The following RBX1 variants were observed in gnomAD, a reference collection of about 807,000 sequenced individuals.
The protein encoded by RBX1 is E3 ubiquitin-protein ligase RBX1.
For synonymous variants in RBX1, 48 were observed against 47.9 expected, an observed-to-expected ratio of 1.00 and a Z score of -0.01; for missense variants, 46 against 141.4, an observed-to-expected ratio of 0.33 and a Z score of 3.42.
chr22:40,968,615 A>G (rs985078167), intron 4 of RBX1, among the ~76,000 whole-genome samples: 3 of 152,186 alleles, frequency 2.0e-5, no homozygotes, highest in African/African-American at 7.2e-5. Context: ...TGTTATATAA[A>G]TAAAACATGA....
rs370116320 is a variant in RBX1, at chr22:40,970,747, C to A, written c.315-1729C>A. Among the ~76,000 whole-genome samples the A allele has an allele frequency of 1.2e-3, 177 of 151,548 alleles. 5 individuals carry two copies. The South Asian group carries it at 0.034, about 29-fold the overall frequency. On this transcript the variant is annotated intron_variant, in intron 4 of 4. Transcript: ENST00000216225. ...TAGGCTATTCTTGGGTTTAAAAAAACCAAAAAATAGGATTCTTTTGTTTGT... is the reference window on the plus strand; with the variant it reads ...TAGGCTATTCTTGGGTTTAAAAAAAACAAAAAATAGGATTCTTTTGTTTGT...
chr22:40,961,081 CT>C (rs61092253), intron 2 of RBX1, among the ~76,000 whole-genome samples: 5,089 of 107,648 alleles, frequency 0.047, 71 homozygotes, highest in East Asian at 0.16. Context: ...CGTGCCTGGC[CT>C]TTTTTTTTTT....
intron 4 of RBX1, among the ~76,000 whole-genome samples, chr22:40,972,106 A>G (rs1170395977): frequency 3.9e-5 from 6 of 152,190 alleles, no homozygotes. Flanking sequence ...GGGCAGCCCG[A>G]AAGTTCAAAC....
chr22:40,969,312 AAGTC>A (rs1259899836), intron 4 of RBX1, among the ~76,000 whole-genome samples: 1 of 152,232 alleles, frequency 6.6e-6, no homozygotes, highest in East Asian at 1.9e-4. Context: ...TCAAAAAACA[AAGTC>A]AGTCCCTATT....
Position 40,962,492 on chromosome 22 carries a change from T to G in RBX1, c.158-1555T>G, listed in dbSNP as rs577498492. ...TCTAGTTTTGTTTTTTTTAATAGTT[T>G]TACTTTTTTTTTTTTTTTTTTGAGA... On this transcript the variant is annotated intron_variant, in intron 2 of 4. Coordinates refer to ENST00000216225, the MANE Select transcript of RBX1 (RefSeq NM_014248.4). Among the ~76,000 whole-genome samples the G allele has an allele frequency of 4.6e-5, 7 of 150,668 alleles. No individual in the cohort carries two copies. The East Asian group carries it at 1.4e-3, about 29-fold the overall frequency.
At chr22:40,953,706 TTTC>T in intron 2 of RBX1, 73 bp downstream of exon 2, 1 of 1,043,692 alleles carries the variant, frequency 9.6e-7, no homozygotes. Context: ...TGTGACTGAT[TTTC>T]TTCTTCACAC....
At chr22:40,964,398 C>A in intron 3 of RBX1, 1 of 308,642 alleles carries the variant, frequency 3.2e-6, no homozygotes, top group South Asian at 3.7e-5. Flanking sequence ...GCCTTCAAAA[C>A]CTACATGCAC....
At chr22:40,962,291 T>C (rs1050399372) in intron 2 of RBX1, among the ~76,000 whole-genome samples, 1 of 151,708 alleles carries the variant, frequency 6.6e-6, no homozygotes, top group South Asian at 2.1e-4. Flanking sequence ...TAGTAGAGAT[T>C]GGGTTTTGCC....
chr22:40,959,433 G>A (rs750370876), intron 2 of RBX1, among the ~76,000 whole-genome samples: 1 of 152,132 alleles, frequency 6.6e-6, no homozygotes, highest in Non-Finnish European at 1.5e-5. Flanking sequence ...CATTTTCCCT[G>A]CTATATCCCT....
chr22:40,960,821 C>T (rs1445683304), intron 2 of RBX1, among the ~76,000 whole-genome samples: 3 of 152,104 alleles, frequency 2.0e-5, no homozygotes, highest in Admixed American at 6.6e-5. Flanking sequence ...TGCAGTGGCG[C>T]GATCCCAGCT....
chr22:40,954,369 CATA>C (rs1476173299), intron 2 of RBX1, among the ~76,000 whole-genome samples: 1 of 151,624 alleles, frequency 6.6e-6, no homozygotes, highest in Non-Finnish European at 1.5e-5. Context: ...TAGGCCCAAA[CATA>C]ATAAAAAGGA....
Position 40,972,146 on chromosome 22 carries a change from C to T in RBX1, c.315-330C>T, listed in dbSNP as rs548387381. Reference sequence around the variant, plus strand: ...TGAGCCCCTGTTGGGAGTGAGCAGGCGGAGCTCCCTTTCACAACCACCAAT... The same window carrying T: ...TGAGCCCCTGTTGGGAGTGAGCAGGTGGAGCTCCCTTTCACAACCACCAAT... On this transcript the variant is annotated intron_variant, in intron 4 of 4. Transcript: ENST00000216225. Among the ~76,000 whole-genome samples, 14 of 152,298 alleles carry T rather than the reference C, an allele frequency of 9.2e-5. No homozygotes were observed. In the South Asian group the frequency reaches 2.1e-3, roughly 23 times the overall value.
intron 3 of RBX1, 80 bp from the exon 4 acceptor site, chr22:40,967,719 A>G: frequency 3.5e-6 from 4 of 1,126,862 alleles, no homozygotes; most frequent in Non-Finnish European, 5.3e-6. Context: ...CACCCATGCC[A>G]CTACCCTGTG....
At position 40,953,738 on chromosome 22, in the gene RBX1, C is replaced by T. The variant is rs2058317620; in HGVS notation, c.157+105C>T. The T allele has an allele frequency of 9.2e-5, 69 of 753,770 alleles. 1 individual carries two copies. Among genetic ancestry groups the T allele is most frequent in the South Asian group, 8.9e-4 (64 of 71,950 alleles). The allele number at this position is 753,770 out of a possible 1,614,324, so 46.7% of individuals were successfully genotyped here. A position where few individuals can be genotyped will look rare whatever the true frequency, so the allele number is the denominator to read the frequency against. On this transcript the variant is annotated intron_variant, in intron 2 of 4. Transcript: ENST00000216225. Reference sequence around the variant, plus strand: ...TTCACACGAGGAGATAGCAAGCCTACTCTGAGCACTCGGTCTTCTGTATCT... The same window carrying T: ...TTCACACGAGGAGATAGCAAGCCTATTCTGAGCACTCGGTCTTCTGTATCT...
intron 2 of RBX1, among the ~76,000 whole-genome samples, chr22:40,961,080 C>T (rs1052478477): frequency 1.0e-4 from 14 of 136,774 alleles, no homozygotes; most frequent in Admixed American, 2.9e-4. Flanking sequence ...CCGTGCCTGG[C>T]CTTTTTTTTT....
chr22:40,964,455 T>G (rs2058348651), intron 3 of RBX1: 1 of 211,412 alleles, frequency 4.7e-6, no homozygotes, highest in Admixed American at 5.3e-5. Flanking sequence ...TGAAACAGGC[T>G]TTTTTAAAGA....
intron 2 of RBX1, among the ~76,000 whole-genome samples, chr22:40,959,113 G>T (rs1474834904): frequency 6.6e-6 from 1 of 152,178 alleles, no homozygotes; most frequent in African/African-American, 2.4e-5. Context: ...ACCACGCCCG[G>T]CCCCGTCAGT....
chr22:40,960,831 T>C (rs2058337806), intron 2 of RBX1, among the ~76,000 whole-genome samples: 2 of 152,040 alleles, frequency 1.3e-5, no homozygotes, highest in South Asian at 4.2e-4. Context: ...CGATCCCAGC[T>C]CACTGCAACC....
In RBX1 at chr22:40,972,459, T is replaced by C; in HGVS notation, c.315-17T>C. 6.2e-7 allele frequency: 1 copy of C among 1,601,100 alleles called. No individual in the cohort carries two copies. The highest frequency in any genetic ancestry group is 8.6e-7 in the Non-Finnish European group (1 of 1,168,948). On this transcript the variant is annotated splice_polypyrimidine_tract_variant and intron_variant, in intron 4 of 4. Coordinates refer to ENST00000216225, the MANE Select transcript of RBX1 (RefSeq NM_014248.4). Reference sequence around the variant, plus strand: ...ATTATCTTGGAATTAATCAGAGTAATTTACTTTGTCTTTCAGGTATGGGCA... The same window carrying C: ...ATTATCTTGGAATTAATCAGAGTAACTTACTTTGTCTTTCAGGTATGGGCA...
Sources: gnomAD v4.1 joint callset for allele counts (sites outside exome capture counted in the v4.1 genomes callset) on GRCh38, gnomAD v4.1.1 for gene constraint, MANE v1.5 for transcripts, NCBI Gene and HGNC (gene_info 2026-07-23, HGNC 2026-07-21) for gene names.